The following DYM variants were observed in gnomAD, a reference collection of about 807,000 sequenced individuals.
DYM encodes dyggve-Melchior-Clausen syndrome protein.
Under a neutral mutation model 93.1 loss-of-function variants are expected in DYM, and 78 were observed. The ratio of observed to expected loss-of-function variants is 0.84; its 90% CI spans 0.70 to 1.01. The LOEUF is 1.01. DYM is among the 50% of genes least tolerant of loss of function. The pLI is 0.00. For synonymous variants in DYM, 321 were observed against 319.7 expected (o/e 1.00, Z -0.04); for missense variants, 789 against 845.0 (o/e 0.93, Z 0.82).
chr18:49,452,554 T>C (rs756678605), intron 1 of DYM, among the ~76,000 whole-genome samples: 9 of 152,284 alleles, frequency 5.9e-5, no homozygotes, highest in South Asian at 2.1e-4. Context: ...AGAGTGCTGA[T>C]TGGTGCATTT....
chr18:49,123,474 C>T (rs185601398), intron 15 of DYM, among the ~76,000 whole-genome samples: 36 of 152,294 alleles, frequency 2.4e-4, no homozygotes, highest in Admixed American at 2.0e-3. Context: ...TTAGCACATT[C>T]ATTCAGGCTC....
chr18:49,435,226 A>G (rs953270962), intron 1 of DYM, among the ~76,000 whole-genome samples: 17 of 150,604 alleles, frequency 1.1e-4, no homozygotes, highest in African/African-American at 2.4e-4. Flanking sequence ...AAAAAAAAAA[A>G]AAGAAGTGAA....
chr18:49,098,555 TG>T (rs2079798297), intron 16 of DYM, among the ~76,000 whole-genome samples: 1 of 152,252 alleles, frequency 6.6e-6, no homozygotes, highest in African/African-American at 2.4e-5. Context: ...CTCACAATTC[TG>T]TGGCAATGAG....
intron 2 of DYM, among the ~76,000 whole-genome samples, chr18:49,421,280 GTGCC>G (rs1466748339): frequency 2.6e-5 from 4 of 152,154 alleles, no homozygotes; most frequent in African/African-American, 9.7e-5. Context: ...ATACGGCCAG[GTGCC>G]CCTCTGAGAC....
At chr18:49,330,544 A>G (rs2063233385) in intron 8 of DYM, among the ~76,000 whole-genome samples, 1 of 152,190 alleles carries the variant, frequency 6.6e-6, no homozygotes, top group African/African-American at 2.4e-5. Flanking sequence ...CCCAAAAACC[A>G]TACACAAATC....
At chr18:49,045,669 A>G (rs752251536) in intron 17 of DYM, among the ~76,000 whole-genome samples, 2 of 152,126 alleles carry the variant, frequency 1.3e-5, no homozygotes. Context: ...AAAACCAATA[A>G]TAACAGGGCA....
chr18:49,190,824 G>A lies in DYM; in HGVS notation c.1625+18727C>T, dbSNP rs570104374. 2.0e-5 allele frequency among the ~76,000 whole-genome samples: 3 copies of A among 152,230 alleles called. No homozygotes were observed. In the East Asian group the frequency reaches 5.8e-4, roughly 29 times the overall value. On this transcript the variant is annotated intron_variant, in intron 14 of 17. Transcript: ENST00000675505. ...CCTCGGCCTATTCAGTGTGAAGACA[G>A]GGAAGACCTTTATGATGATCCATTT... is the stretch of plus-strand genomic sequence containing the variant.
At chr18:49,226,434 G>A (rs1009691599) in intron 13 of DYM, among the ~76,000 whole-genome samples, 5 of 152,166 alleles carry the variant, frequency 3.3e-5, no homozygotes, top group Admixed American at 3.3e-4. Flanking sequence ...TGGCCATGCA[G>A]CAATGTGAAG....
At chr18:49,267,292 GA>G (rs956463736) in intron 11 of DYM, among the ~76,000 whole-genome samples, 2 of 151,612 alleles carry the variant, frequency 1.3e-5, no homozygotes, top group African/African-American at 2.4e-5. Flanking sequence ...AAATTCCTCA[GA>G]AAACACAAAG....
chr18:49,157,256 T>G (rs1449886518), intron 15 of DYM, among the ~76,000 whole-genome samples: 1 of 152,076 alleles, frequency 6.6e-6, no homozygotes, highest in African/African-American at 2.4e-5. Context: ...CCATCTAATA[T>G]CACACCACTC....
chr18:49,271,217 G>C (rs898662138), intron 11 of DYM, among the ~76,000 whole-genome samples: 3 of 152,080 alleles, frequency 2.0e-5, no homozygotes, highest in Non-Finnish European at 4.4e-5. Context: ...CAGTGTATTA[G>C]TACACAAATA....
intron 8 of DYM, among the ~76,000 whole-genome samples, chr18:49,309,604 C>G (rs544796309): frequency 6.6e-6 from 1 of 152,154 alleles, no homozygotes; most frequent in Non-Finnish European, 1.5e-5. Context: ...CACTGTGCTC[C>G]AGCCTGGGCG....
In DYM at chr18:49,432,723, T is replaced by C. The variant is rs372886667; in HGVS notation, c.-53-2276A>G. Among the ~76,000 whole-genome samples the C allele has an allele frequency of 4.0e-5, 6 of 151,692 alleles. No individual in the cohort carries two copies. The East Asian group carries it at 7.8e-4, about 20-fold the overall frequency. ...AACTCCTGGGCTCAAGGGAGCCTCATTGCCTCAGCCTCCTAAGTAGCTGGA... is the reference window on the plus strand; with the variant it reads ...AACTCCTGGGCTCAAGGGAGCCTCACTGCCTCAGCCTCCTAAGTAGCTGGA... On this transcript the variant is annotated intron_variant, in intron 1 of 17. Transcript: ENST00000675505.
intron 16 of DYM, among the ~76,000 whole-genome samples, chr18:49,104,774 T>C (rs2080599501): frequency 6.6e-6 from 1 of 152,222 alleles, no homozygotes; most frequent in Non-Finnish European, 1.5e-5. Context: ...TTGATCATGG[T>C]GGATAAGGTT....
chr18:49,412,236 TAAA>T (rs67065136), intron 2 of DYM, among the ~76,000 whole-genome samples: 1 of 135,108 alleles, frequency 7.4e-6, no homozygotes, highest in Non-Finnish European at 1.6e-5. Context: ...AACATTGACT[TAAA>T]AAAAAAAAAA....
chr18:49,282,468 C>G (rs1158302182), intron 9 of DYM, among the ~76,000 whole-genome samples: 1 of 152,094 alleles, frequency 6.6e-6, no homozygotes, highest in Non-Finnish European at 1.5e-5. Flanking sequence ...CAGAAATTAG[C>G]CAGGCATGGT....
intron 17 of DYM, among the ~76,000 whole-genome samples, chr18:49,091,321 G>C (rs2079030728): frequency 6.6e-6 from 1 of 152,136 alleles, no homozygotes; most frequent in Admixed American, 6.5e-5. Context: ...CAATGCTGCG[G>C]AACAAGAAAA....
intron 6 of DYM, among the ~76,000 whole-genome samples, chr18:49,356,590 A>T (rs1020824339): frequency 1.2e-4 from 19 of 152,214 alleles, no homozygotes; most frequent in African/African-American, 4.6e-4. Context: ...AGGGCTGTAG[A>T]AAGGCATTTT....
intron 3 of DYM, among the ~76,000 whole-genome samples, chr18:49,383,112 A>G (rs371318276): frequency 2.0e-5 from 3 of 152,348 alleles, no homozygotes; most frequent in Admixed American, 6.5e-5. Flanking sequence ...GAGAGGGAAA[A>G]GAAGAAAAAG....
Sources: allele counts gnomAD v4.1 joint callset (sites outside exome capture counted in the v4.1 genomes callset), GRCh38; gene constraint gnomAD v4.1.1; transcripts MANE v1.5; gene names NCBI Gene and HGNC (gene_info 2026-07-23, HGNC 2026-07-21).